CDC25C: variants seen among roughly 807,000 people sequenced by gnomAD.
CDC25C encodes the protein cell division cycle 25C.
Under a neutral mutation model 52.5 loss-of-function variants are expected in CDC25C, and 48 were observed. That is an observed-to-expected ratio of 0.91 (90% CI 0.72 to 1.16). CDC25C has a LOEUF of 1.16. Ranked by LOEUF, CDC25C falls within the 50% of genes most tolerant of loss-of-function variation. CDC25C has a pLI of 0.00. For missense variants in CDC25C, 510 were observed against 566.1 expected (o/e 0.90, Z 1.01); for synonymous variants, 187 against 206.5 (o/e 0.91, Z 0.81).
At chr5:138,320,438 GGATA>G (rs1263078873) in intron 6 of CDC25C, among the ~76,000 whole-genome samples, 1 of 152,094 alleles carries the variant, frequency 6.6e-6, no homozygotes, top group Non-Finnish European at 1.5e-5. Flanking sequence ...ACAGATGAAT[GGATA>G]AACAAAATAT....
At chr5:138,298,213 C>G (rs1053871227) in intron 7 of CDC25C, among the ~76,000 whole-genome samples, 1 of 148,660 alleles carries the variant, frequency 6.7e-6, no homozygotes, top group Admixed American at 6.7e-5. Flanking sequence ...GTTGCCCAGG[C>G]TGGTTGTGAA....
chr5:138,331,028 G>A lies in CDC25C; in HGVS notation c.153C>T (p.Gly51=), dbSNP rs149621280. ...VCPDVPRTPV[G]KFLGDSANLS... ...GGTTTGCAGAATCACCAAGAAATTT[G>A]CCCACTGGAGTTCTAGGGACATCTG... is the stretch of plus-strand genomic sequence containing the variant. Residue 51 remains glycine, a synonymous_variant, in exon 2 of 14, where the codon GGC becomes GGT. Coordinates refer to ENST00000323760, the MANE Select transcript of CDC25C (RefSeq NM_001790.5). 6.3e-5 allele frequency: 102 copies of A among 1,613,858 alleles called. No homozygotes were observed. The highest frequency in any genetic ancestry group is 8.5e-6 in the Non-Finnish European group (10 of 1,179,856).
At position 138,291,965 on chromosome 5, in the gene CDC25C, C is replaced by A. The variant is rs189309721; in HGVS notation, c.762+5G>T. The A allele has an allele frequency of 7.2e-5, 115 of 1,600,414 alleles. No homozygotes were observed. The African/African-American group carries it at 1.3e-3, about 18-fold the overall frequency. ...AACAAGATTTTCATCTTAAAAAGTT[C>A]TTACCTTCCTGAGCTTTCCTTGGCC... On this transcript the variant is annotated splice_donor_5th_base_variant and intron_variant, in intron 8 of 13. Coordinates refer to ENST00000323760, the MANE Select transcript of CDC25C (RefSeq NM_001790.5).
At chr5:138,307,519 A>G (rs1758110127) in intron 7 of CDC25C, among the ~76,000 whole-genome samples, 1 of 149,736 alleles carries the variant, frequency 6.7e-6, no homozygotes, top group South Asian at 2.1e-4. Context: ...AAAGAAAAAG[A>G]GAAAGAAGGA....
At chr5:138,290,328 T>G (rs1458508927) in intron 9 of CDC25C, among the ~76,000 whole-genome samples, 4 of 152,232 alleles carry the variant, frequency 2.6e-5, no homozygotes, top group Non-Finnish European at 4.4e-5. Flanking sequence ...TAATAAAGTT[T>G]GGGATAAATT....
rs1269013243 is a variant in CDC25C at position 138,285,762 on chromosome 5, C to T, written c.1352G>A (p.Ser451Asn). The T allele has an allele frequency of 6.2e-7, 1 of 1,614,208 alleles. No individual in the cohort carries two copies. The highest frequency in any genetic ancestry group is 1.1e-5 in the South Asian group (1 of 91,090). The change falls in exon 14 of 14, where the codon AGC becomes AAC. Residue 451 changes from serine (S) to asparagine (N), a missense_variant. Physicochemically the swap from Ser to Asn is conservative, Grantham distance 46. Transcript: ENST00000323760. The stretch of plus-strand genomic sequence containing the variant: ...CTGCCGCTCCCCTTCCTGCACTTTG[C>T]TCTGGCTTCGACACCTCAGCAACTC... The part of the protein sequence containing the change: ...KTELLRCRSQ[S>N]KVQEGERQLR...
At chr5:138,331,477 G>T in intron 1 of CDC25C, 118 bp downstream of exon 1, 1 of 782,090 alleles carries the variant, frequency 1.3e-6, no homozygotes, top group Non-Finnish European at 1.8e-6. Flanking sequence ...CCCGGGTCTC[G>T]TAACTCGCGA....
At chr5:138,323,968 A>C (rs1326363609) in intron 6 of CDC25C, among the ~76,000 whole-genome samples, 5 of 150,384 alleles carry the variant, frequency 3.3e-5, no homozygotes, top group East Asian at 2.0e-4. Flanking sequence ...AAAAAAAAAA[A>C]AAAAACAAAT....
intron 6 of CDC25C, among the ~76,000 whole-genome samples, chr5:138,323,483 G>C (rs1015850538): frequency 1.3e-4 from 20 of 151,634 alleles, no homozygotes; most frequent in African/African-American, 4.8e-4. Flanking sequence ...TTTTGGTTGG[G>C]GGGTGGGGTA....
chr5:138,296,558 G>A (rs1216065614), intron 7 of CDC25C, among the ~76,000 whole-genome samples: 2 of 151,504 alleles, frequency 1.3e-5, no homozygotes, highest in Non-Finnish European at 2.9e-5. Context: ...TCACAAACAT[G>A]CGCCATCATG....
intron 11 of CDC25C, 69 bp from the exon 12 acceptor site, chr5:138,286,699 C>G (rs10515500): frequency 0.15 from 217,839 of 1,428,052 alleles, 17,855 homozygotes; most frequent in Middle Eastern, 0.18. Flanking sequence ...TTAGAAATGA[C>G]TGAGACGCCA....
intron 1 of CDC25C, chr5:138,337,823 G>A (rs902318366): frequency 3.5e-5 from 17 of 488,998 alleles, no homozygotes; most frequent in Middle Eastern, 7.0e-4. Flanking sequence ...CTTCGAAGAG[G>A]TGGTCGTGGA....
At chr5:138,307,490 CAAAAAAAAA>C (rs57593237) in intron 7 of CDC25C, among the ~76,000 whole-genome samples, 2 of 88,248 alleles carry the variant, frequency 2.3e-5, no homozygotes, top group African/African-American at 9.3e-5. Context: ...GAGACTGCCA[CAAAAAAAAA>C]AAAAAAAAAA....
chr5:138,328,780 T>G (rs745772826), intron 3 of CDC25C: 17 of 321,140 alleles, frequency 5.3e-5, no homozygotes, highest in Non-Finnish European at 9.1e-5. Context: ...TGGAGTTTTT[T>G]TTTTTCTTAT....
Position 138,292,056 on chromosome 5 carries a change from G to C in CDC25C, c.676C>G (p.Leu226Val). The change falls in exon 8 of 14, where the codon CTG (leucine) becomes GTG (valine). Residue 226 changes from leucine (L) to valine (V), a missense_variant. By Grantham distance (32) the Leu-to-Val change is conservative. Transcript: ENST00000323760. ...SMPENLNRPR[L>V]KQVEKFKDNT... The stretch of plus-strand genomic sequence containing the variant: ...TCCTTGAATTTTTCCACCTGCTTCA[G>C]TCTTGGCCTGTTCAAGTTCTCTGGC... 6.2e-7 allele frequency: 1 copy of C among 1,613,384 alleles called. No individual in the cohort carries two copies. The highest frequency in any genetic ancestry group is 8.5e-7 in the Non-Finnish European group (1 of 1,179,646).
chr5:138,323,968 A>AG (rs1759646173), intron 6 of CDC25C, among the ~76,000 whole-genome samples: 1 of 150,386 alleles, frequency 6.6e-6, no homozygotes. Context: ...AAAAAAAAAA[A>AG]AAAAACAAAT....
chr5:138,300,590 A>G (rs1440584163), intron 7 of CDC25C, among the ~76,000 whole-genome samples: 1 of 152,040 alleles, frequency 6.6e-6, no homozygotes, highest in Non-Finnish European at 1.5e-5. Context: ...AGATTAATAG[A>G]CAGAAAACTA....
At chr5:138,306,623 A>G (rs186030297) in intron 7 of CDC25C, among the ~76,000 whole-genome samples, 146 of 152,076 alleles carry the variant, frequency 9.6e-4, no homozygotes, top group African/African-American at 3.3e-3. Context: ...TTACAGGTGC[A>G]TACCACCATG....
At chr5:138,293,959 T>C (rs1467602859) in intron 7 of CDC25C, among the ~76,000 whole-genome samples, 1 of 151,998 alleles carries the variant, frequency 6.6e-6, no homozygotes, top group East Asian at 1.9e-4. Flanking sequence ...TATCCATTTT[T>C]AAGCATTGTA....
Sources: allele counts gnomAD v4.1 joint callset (sites outside exome capture counted in the v4.1 genomes callset), GRCh38; gene constraint gnomAD v4.1.1; transcripts MANE v1.5; gene names NCBI Gene and HGNC (gene_info 2026-07-23, HGNC 2026-07-21).